Variants in ASXL3 observed in about 807,000 individuals in gnomAD.
ASXL3 encodes ASXL transcriptional regulator 3.
ASXL3 carries 34 observed loss-of-function variants against 170.6 expected under a neutral mutation model. The ratio of observed to expected loss-of-function variants is 0.20; its 90% CI spans 0.15 to 0.27. The LOEUF is 0.27. ASXL3 is among the 10% of genes least tolerant of loss of function. The probability of loss-of-function intolerance (pLI) is 1.00; values close to 1 mark genes in which losing one functional copy is unlikely to be tolerated. For missense variants in ASXL3, 2,592 were observed against 2,695.3 expected, an observed-to-expected ratio of 0.96 and a Z score of 0.85; for synonymous variants, 1,002 against 989.1, an observed-to-expected ratio of 1.01 and a Z score of -0.24.
chr18:33,722,355 G>A (rs2145374655), intron 8 of ASXL3, among the ~76,000 whole-genome samples: 1 of 152,208 alleles, frequency 6.6e-6, no homozygotes, highest in African/African-American at 2.4e-5. Flanking sequence ...TGAATGGAAA[G>A]GAAAAGTTCT....
intron 2 of ASXL3, chr18:33,626,037 T>C (rs978338658): frequency 6.6e-6 from 1 of 151,986 alleles, no homozygotes; most frequent in African/African-American, 2.4e-5. Context: ...ACTATTATGG[T>C]AGTTTAGGTG....
chr18:33,664,328 C>T (rs972369022), intron 5 of ASXL3, among the ~76,000 whole-genome samples: 11 of 152,050 alleles, frequency 7.2e-5, no homozygotes, highest in South Asian at 2.1e-4. Flanking sequence ...ATAGTATAGA[C>T]GAATTTTTGA....
At chr18:33,661,825 GC>G (rs1455553476) in intron 5 of ASXL3, 88 bp downstream of exon 5, 1,878 of 1,378,592 alleles carry the variant, frequency 1.4e-3, no homozygotes, top group Non-Finnish European at 1.7e-3. Flanking sequence ...CAATAACCTA[GC>G]AATCAGAAAG....
intron 1 of ASXL3, among the ~76,000 whole-genome samples, chr18:33,584,111 A>G (rs2065015256): frequency 6.6e-6 from 1 of 152,136 alleles, no homozygotes; most frequent in South Asian, 2.1e-4. Context: ...GATTAGGTGA[A>G]ACTTGGTTTG....
chr18:33,713,239 T>TTTA (rs1568343414), intron 8 of ASXL3, among the ~76,000 whole-genome samples: 1 of 53,468 alleles, frequency 1.9e-5, no homozygotes, highest in Non-Finnish European at 3.4e-5. Flanking sequence ...GTTTTTTTTG[T>TTTA]TTTGTTTTGT....
At chr18:33,674,920 C>G (rs2066401962) in intron 7 of ASXL3, among the ~76,000 whole-genome samples, 1 of 152,144 alleles carries the variant, frequency 6.6e-6, no homozygotes, top group African/African-American at 2.4e-5. Context: ...ACCCAGCCAC[C>G]CATGTCTTTT....
At chr18:33,687,117 A>T (rs1025890632) in intron 8 of ASXL3, among the ~76,000 whole-genome samples, 3 of 152,102 alleles carry the variant, frequency 2.0e-5, no homozygotes, top group Non-Finnish European at 2.9e-5. Context: ...GCAACTAGAG[A>T]TTTTTTCTAG....
intron 8 of ASXL3, among the ~76,000 whole-genome samples, chr18:33,719,804 C>T (rs2067229054): frequency 6.6e-6 from 1 of 151,978 alleles, no homozygotes; most frequent in African/African-American, 2.4e-5. Flanking sequence ...GAAACAGGCC[C>T]TCCCCAGACA....
chr18:33,607,511 A>C, intron 1 of ASXL3, 83 bp from the exon 2 acceptor site: 2 of 1,112,846 alleles, frequency 1.8e-6, no homozygotes, highest in Non-Finnish European at 2.6e-6. Context: ...CTAATAAAAT[A>C]AGCAGAGAAT....
chr18:33,657,645 G>A (rs2066104186), intron 4 of ASXL3, among the ~76,000 whole-genome samples: 1 of 152,138 alleles, frequency 6.6e-6, no homozygotes, highest in East Asian at 1.9e-4. Flanking sequence ...TTTTGCTGGA[G>A]CAGTCACCAG....
rs765803411 is a variant in ASXL3, at chr18:33,734,336, C to T, written c.1003C>T (p.Arg335Trp). 1.9e-6 allele frequency: 3 copies of T among 1,604,758 alleles called. No individual in the cohort carries two copies. Among genetic ancestry groups the T allele is most frequent in the South Asian group, 1.1e-5 (1 of 89,068 alleles). The change falls in exon 10 of 12, where the codon CGG becomes TGG. Residue 335 changes from arginine (R) to tryptophan (W), a missense_variant. By Grantham distance (101) the Arg-to-Trp change is moderately radical (BLOSUM62 -3). Coordinates refer to ENST00000269197, the MANE Select transcript of ASXL3 (RefSeq NM_030632.3). ...AGAGTTTACCCCAGAAATGCAGTTG[C>T]GGATAAGGCAAGAAATTGAGAAGGA... Reference protein sequence around the residue: ...EGEFTPEMQLRIRQEIEKEKK... With the variant: ...EGEFTPEMQLWIRQEIEKEKK...
chr18:33,615,869 G>T (rs2065414349), intron 2 of ASXL3, among the ~76,000 whole-genome samples: 7 of 151,976 alleles, frequency 4.6e-5, no homozygotes. Flanking sequence ...ATAAAATTTT[G>T]AATTTCTAAT....
chr18:33,746,189 C>T lies in ASXL3; in HGVS notation c.6341C>T (p.Ala2114Val), dbSNP rs2067787819. ...DQNEMKEQLK[A>V]FALKSADFSS... ...AATGAAATGAAAGAACAGTTAAAAGCATTCGCGCTAAAAAGTGCAGATTTC... is the reference window on the plus strand; with the variant it reads ...AATGAAATGAAAGAACAGTTAAAAGTATTCGCGCTAAAAAGTGCAGATTTC... Residue 2114 changes from alanine (A) to valine (V), a missense_variant, in exon 12 of 12, where the codon GCA becomes GTA. Ala to Val is a moderately conservative substitution (Grantham distance 64, BLOSUM62 0). Transcript: ENST00000269197. The T allele has an allele frequency of 6.2e-7, 1 of 1,613,874 alleles. No individual in the cohort carries two copies. The highest frequency in any genetic ancestry group is 8.5e-7 in the Non-Finnish European group (1 of 1,179,878).
At chr18:33,720,459 A>C (rs1304576045) in intron 8 of ASXL3, among the ~76,000 whole-genome samples, 2 of 152,108 alleles carry the variant, frequency 1.3e-5, no homozygotes, top group Admixed American at 1.3e-4. Context: ...GGTTGGGTAC[A>C]TTGGAAGTTT....
At chr18:33,693,760 T>C (rs963567460) in intron 8 of ASXL3, among the ~76,000 whole-genome samples, 2 of 152,184 alleles carry the variant, frequency 1.3e-5, no homozygotes, top group Non-Finnish European at 2.9e-5. Flanking sequence ...TGGTAACACA[T>C]GTGCCAGAAG....
chr18:33,735,982 T>C (rs2067538994), intron 10 of ASXL3, among the ~76,000 whole-genome samples: 1 of 137,090 alleles, frequency 7.3e-6, no homozygotes, highest in Admixed American at 7.6e-5. Flanking sequence ...GGCTCTGATG[T>C]GTTTCTAAGA....
intron 5 of ASXL3, among the ~76,000 whole-genome samples, chr18:33,665,989 T>C (rs940286336): frequency 6.6e-5 from 10 of 152,206 alleles, no homozygotes; most frequent in Non-Finnish European, 5.9e-5. Context: ...TATTGAATAA[T>C]ACCTGGAAGC....
At chr18:33,658,632 C>G (rs899663583) in intron 4 of ASXL3, among the ~76,000 whole-genome samples, 5 of 151,892 alleles carry the variant, frequency 3.3e-5, no homozygotes, top group African/African-American at 1.2e-4. Context: ...TACTTTTTTT[C>G]TGTTACATTT....
chr18:33,623,114 T>C (rs1397212340), intron 2 of ASXL3, among the ~76,000 whole-genome samples: 1 of 152,184 alleles, frequency 6.6e-6, no homozygotes, highest in Non-Finnish European at 1.5e-5. Context: ...ACCCCCACCT[T>C]CAAGGCCTAA....
Sources: allele counts gnomAD v4.1 joint callset (sites outside exome capture counted in the v4.1 genomes callset), GRCh38; gene constraint gnomAD v4.1.1; transcripts MANE v1.5; gene names NCBI Gene and HGNC (gene_info 2026-07-23, HGNC 2026-07-21).